CYTH3: variants seen among roughly 807,000 people sequenced by gnomAD.
CYTH3 encodes cytohesin 3.
In CYTH3, 23 loss-of-function variants were observed where a neutral mutation model predicts 55.1. The ratio of observed to expected loss-of-function variants is 0.42; its 90% confidence interval spans 0.30 to 0.59. The LOEUF is 0.59. CYTH3 is among the 20% of genes least tolerant of loss of function. The pLI is 0.20. For missense variants in CYTH3, 413 were observed against 524.8 expected (o/e 0.79, Z 2.08); for synonymous variants, 249 against 194.9 (o/e 1.28, Z -2.31).
chr7:6,236,768 G>A (rs1362118846), intron 1 of CYTH3, among the ~76,000 whole-genome samples: 2 of 151,970 alleles, frequency 1.3e-5, no homozygotes, highest in Non-Finnish European at 2.9e-5. Flanking sequence ...TCACCATGTT[G>A]GCTAGGCTGG....
chr7:6,261,191 C>G (rs1049269756), intron 1 of CYTH3, among the ~76,000 whole-genome samples: 3 of 152,124 alleles, frequency 2.0e-5, no homozygotes, highest in African/African-American at 7.2e-5. Context: ...TTCGCCAATT[C>G]ACAGCAGAAG....
chr7:6,269,967 C>T (rs957978981), intron 1 of CYTH3, among the ~76,000 whole-genome samples: 43 of 152,110 alleles, frequency 2.8e-4, no homozygotes, highest in African/African-American at 1.0e-3. Flanking sequence ...AACTGACTCC[C>T]CCAGATACAG....
Position 6,253,835 on chromosome 7 carries a change from TAAAC to T in CYTH3, c.34+18635_34+18638del, listed in dbSNP as rs897361755. 2.6e-4 allele frequency among the ~76,000 whole-genome samples: 36 copies of T among 140,032 alleles called. 1 individual carries two copies. The highest frequency in any genetic ancestry group is 2.2e-3 in the Admixed American group (30 of 13,752). The allele number at this position is 140,032 out of a possible 152,430, so 91.9% of individuals were successfully genotyped here. A position where few individuals can be genotyped will look rare whatever the true frequency, so the allele number is the denominator to read the frequency against. On this transcript the variant is annotated intron_variant, in intron 1 of 12. Coordinates refer to ENST00000350796, the MANE Select transcript of CYTH3 (RefSeq NM_004227.4). Reference sequence around the variant, plus strand: ...TGTCTCAAAAATAAAAATAAATAAATAAACAAAAGAGGCCAGGTGCAGTGGCAGG... The same window carrying T: ...TGTCTCAAAAATAAAAATAAATAAATAAAAGAGGCCAGGTGCAGTGGCAGG...
chr7:6,201,243 C>G (rs1280709070), intron 1 of CYTH3, among the ~76,000 whole-genome samples: 1 of 152,202 alleles, frequency 6.6e-6, no homozygotes, highest in African/African-American at 2.4e-5. Context: ...GGTAACAGGG[C>G]AGTCACGTGT....
intron 5 of CYTH3, among the ~76,000 whole-genome samples, chr7:6,176,107 AAT>A (rs1421055033): frequency 6.6e-6 from 1 of 151,788 alleles, no homozygotes; most frequent in Non-Finnish European, 1.5e-5. Flanking sequence ...TTTTTTCAAC[AAT>A]GTTTTGTGGT....
At chr7:6,238,031 G>T (rs1583187087) in intron 1 of CYTH3, among the ~76,000 whole-genome samples, 1 of 152,190 alleles carries the variant, frequency 6.6e-6, no homozygotes, top group Non-Finnish European at 1.5e-5. Flanking sequence ...CCCACTCATT[G>T]TAACATTCTA....
At chr7:6,219,667 C>T (rs1270033737) in intron 1 of CYTH3, among the ~76,000 whole-genome samples, 2 of 144,122 alleles carry the variant, frequency 1.4e-5, no homozygotes, top group East Asian at 3.9e-4. Context: ...CCCTCTTGTC[C>T]CCTGTGAAAT....
chr7:6,218,777 C>T (rs1236481596), intron 1 of CYTH3, among the ~76,000 whole-genome samples: 8 of 151,998 alleles, frequency 5.3e-5, no homozygotes, highest in African/African-American at 1.2e-4. Flanking sequence ...GAGGCCGAGG[C>T]GGGCAGGTCA....
At chr7:6,226,949 G>A (rs913608564) in intron 1 of CYTH3, among the ~76,000 whole-genome samples, 9 of 151,982 alleles carry the variant, frequency 5.9e-5, no homozygotes, top group Admixed American at 3.9e-4. Flanking sequence ...GCGTGGTGGC[G>A]GGCACCTGTA....
chr7:6,262,805 G>A (rs188165337), intron 1 of CYTH3, among the ~76,000 whole-genome samples: 2 of 152,324 alleles, frequency 1.3e-5, no homozygotes, highest in East Asian at 3.9e-4. Flanking sequence ...TGTAGTCCTA[G>A]CTACTCGGGA....
chr7:6,211,496 G>A (rs140657217), intron 1 of CYTH3, among the ~76,000 whole-genome samples: 28 of 152,270 alleles, frequency 1.8e-4, no homozygotes, highest in Non-Finnish European at 2.2e-4. Context: ...GTGGTAAAAC[G>A]CATAACACAG....
chr7:6,208,293 A>G (rs188985529), intron 1 of CYTH3, among the ~76,000 whole-genome samples: 1 of 152,320 alleles, frequency 6.6e-6, no homozygotes, highest in East Asian at 1.9e-4. Context: ...TTACAACCCT[A>G]CCCAAATCAG....
At position 6,196,759 on chromosome 7, in the gene CYTH3, C is replaced by A. The variant is rs187172617; in HGVS notation, c.35-6228G>T. On this transcript the variant is annotated intron_variant, in intron 1 of 12. Coordinates refer to ENST00000350796, the MANE Select transcript of CYTH3 (RefSeq NM_004227.4). ...TACAGGCGTGAGCCACCGCGCCCAG[C>A]CGCATCTTATTTCAATATGGCAAAA... is the stretch of plus-strand genomic sequence containing the variant. Among the ~76,000 whole-genome samples, 565 of 152,342 alleles carry A rather than the reference C, an allele frequency of 3.7e-3. 1 individual carries two copies. The highest frequency in any genetic ancestry group is 0.015 in the South Asian group (72 of 4,828).
In CYTH3 at chr7:6,259,764, T is replaced by C. The variant is rs1243041506; in HGVS notation, c.34+12710A>G. ...ATATAATATATATATATATTATATA[T>C]ATATATATTATATATATATAATATA... is the stretch of plus-strand genomic sequence containing the variant. On this transcript the variant is annotated intron_variant, in intron 1 of 12. Transcript: ENST00000350796. Among the ~76,000 whole-genome samples, 4 of 24,936 alleles carry C rather than the reference T, an allele frequency of 1.6e-4. 1 individual carries two copies. Among genetic ancestry groups the C allele is most frequent in the African/African-American group, 7.6e-4 (2 of 2,618 alleles). The allele number at this position is 24,936 out of a possible 152,430, so 16.4% of individuals were successfully genotyped here. A position where few individuals can be genotyped will look rare whatever the true frequency, so the allele number is the denominator to read the frequency against.
intron 1 of CYTH3, among the ~76,000 whole-genome samples, chr7:6,259,833 T>TA (rs57061102): frequency 0.11 from 1,745 of 15,308 alleles, 130 homozygotes; most frequent in East Asian, 0.22. Flanking sequence ...TATATATATA[T>TA]TTTTTTTTTT....
At position 6,272,469 on chromosome 7, in the gene CYTH3, C is replaced by A. The variant is rs1264227663; in HGVS notation, c.34+5G>T. 7 of 1,370,842 alleles carry A rather than the reference C, an allele frequency of 5.1e-6. No individual in the cohort carries two copies. Among genetic ancestry groups the A allele is most frequent in the Non-Finnish European group, 6.6e-6 (7 of 1,052,838 alleles). 84.9% of individuals were successfully genotyped at this position (1,370,842 alleles called of 1,614,324 possible). On this transcript the variant is annotated splice_donor_5th_base_variant and intron_variant, in intron 1 of 12. Coordinates refer to ENST00000350796, the MANE Select transcript of CYTH3 (RefSeq NM_004227.4). ...CGGCGAGCCCACCACACCTCCGACACTCACCGCCACCACCCTCGCCGCCGC... is the reference window on the plus strand; with the variant it reads ...CGGCGAGCCCACCACACCTCCGACAATCACCGCCACCACCCTCGCCGCCGC...
Position 6,165,589 on chromosome 7 carries a change from A to G in CYTH3, c.928T>C (p.Leu310=), listed in dbSNP as rs983618718. Reference sequence around the variant, plus strand: ...ACCTCCCTGATGCTGAGGTTTTCCAACGGGATGATTCCCCTGGGCTCCTTA... The same window carrying G: ...ACCTCCCTGATGCTGAGGTTTTCCAGCGGGATGATTCCCCTGGGCTCCTTA... ...TDKEPRGIIP[L]ENLSIREVED... is the part of the protein sequence containing the mutation. The change falls in exon 11 of 13, where the codon TTG becomes CTG. Residue 310 remains leucine, a synonymous_variant. Coordinates refer to ENST00000350796, the MANE Select transcript of CYTH3 (RefSeq NM_004227.4). 1 of 1,614,078 alleles carries G rather than the reference A, an allele frequency of 6.2e-7. No homozygotes were observed. Among genetic ancestry groups the G allele is most frequent in the Non-Finnish European group, 8.5e-7 (1 of 1,179,988 alleles).
At position 6,162,918 on chromosome 7, in the gene CYTH3, G is replaced by A. The variant is rs1481744406; in HGVS notation, c.*2026C>T. The A allele has an allele frequency of 6.5e-6, 1 of 152,696 alleles. No individual in the cohort carries two copies. Among genetic ancestry groups the A allele is most frequent in the Non-Finnish European group, 1.5e-5 (1 of 68,058 alleles). 9.5% of individuals were successfully genotyped at this position (152,696 alleles called of 1,614,324 possible). On this transcript the variant is annotated 3_prime_UTR_variant, in exon 13 of 13. Transcript: ENST00000350796. ...AGTCTTGGGTGCCGGGCCAGCCTGAGGGGTGGGCACCGCCGGAGCCGGCCG... is the reference window on the plus strand; with the variant it reads ...AGTCTTGGGTGCCGGGCCAGCCTGAAGGGTGGGCACCGCCGGAGCCGGCCG...
intron 1 of CYTH3, among the ~76,000 whole-genome samples, chr7:6,259,200 A>G (rs1244949028): frequency 6.6e-6 from 1 of 152,190 alleles, no homozygotes; most frequent in African/African-American, 2.4e-5. Context: ...TGGGGGAAAA[A>G]AATCACTAAT....
Sources: allele counts gnomAD v4.1 joint callset (sites outside exome capture counted in the v4.1 genomes callset), GRCh38; gene constraint gnomAD v4.1.1; transcripts MANE v1.5; gene names NCBI Gene and HGNC (gene_info 2026-07-23, HGNC 2026-07-21).